The following RDX variants were observed in gnomAD, a reference collection of about 807,000 sequenced individuals.
RDX encodes the protein radixin, also known as deafness, autosomal recessive 24.
A neutral mutation model predicts 83.7 loss-of-function variants in RDX; 32 were observed. The observed-to-expected ratio is 0.38, with a 90% confidence interval of 0.29 to 0.51. The LOEUF is 0.51. Ranked by LOEUF, RDX falls within the 20% of genes least tolerant of loss-of-function variation. The pLI is 0.87. For synonymous variants in RDX, 229 were observed against 222.7 expected (o/e 1.03, Z -0.25); for missense variants, 600 against 689.9 (o/e 0.87, Z 1.46).
chr11:110,206,820 G>A (rs1473128213), intron 14 of RDX, among the ~76,000 whole-genome samples: 2 of 152,226 alleles, frequency 1.3e-5, no homozygotes, highest in East Asian at 1.9e-4. Context: ...AAACTATGTA[G>A]AAGTCAATAG....
intron 3 of RDX, among the ~76,000 whole-genome samples, chr11:110,266,123 G>A (rs1860032974): frequency 6.6e-6 from 1 of 150,562 alleles, no homozygotes; most frequent in Non-Finnish European, 1.5e-5. Flanking sequence ...AGGAGATCAA[G>A]ACCATCCTGA....
chr11:110,243,309 T>A (rs1303081378), intron 10 of RDX, among the ~76,000 whole-genome samples: 1 of 152,146 alleles, frequency 6.6e-6, no homozygotes, highest in African/African-American at 2.4e-5. Flanking sequence ...ACCTGTATAT[T>A]CACTATATAC....
At chr11:110,211,007 T>C (rs1488130723) in intron 14 of RDX, among the ~76,000 whole-genome samples, 2 of 151,738 alleles carry the variant, frequency 1.3e-5, no homozygotes, top group Non-Finnish European at 2.9e-5. Flanking sequence ...ACTTTAAATG[T>C]AAATGGACTA....
intron 14 of RDX, among the ~76,000 whole-genome samples, chr11:110,219,495 C>G (rs879481098): frequency 3.3e-5 from 5 of 152,136 alleles, no homozygotes; most frequent in African/African-American, 4.8e-5. Flanking sequence ...ATCAAGAAAA[C>G]AGAATGGAAG....
At chr11:110,256,424 C>T (rs1424803613) in intron 7 of RDX, among the ~76,000 whole-genome samples, 1 of 152,144 alleles carries the variant, frequency 6.6e-6, no homozygotes, top group Non-Finnish European at 1.5e-5. Context: ...TTTTAGAGAA[C>T]ACTATGCTAC....
In RDX at chr11:110,184,873, T is replaced by C. The variant is rs542844125; in HGVS notation, c.*32-9639A>G. ...TATAAAGTGCAAGCCAGATAAAACA[T>C]ATCTACCTGTTAGAGTTTGAGACGG... On this transcript the variant is annotated intron_variant, in intron 15 of 15. Transcript: ENST00000528498. 2.1e-4 allele frequency among the ~76,000 whole-genome samples: 32 copies of C among 152,266 alleles called. No individual in the cohort carries two copies. In the East Asian group the frequency reaches 5.6e-3, roughly 27 times the overall value.
intron 3 of RDX, among the ~76,000 whole-genome samples, chr11:110,266,045 C>T (rs533977341): frequency 6.6e-6 from 1 of 152,236 alleles, no homozygotes; most frequent in Admixed American, 6.5e-5. Flanking sequence ...ACTAAGTAGG[C>T]TGTGCGCAGT....
chr11:110,253,537 T>C (rs543146123), intron 9 of RDX, among the ~76,000 whole-genome samples: 104 of 152,332 alleles, frequency 6.8e-4, no homozygotes, highest in African/African-American at 2.4e-3. Context: ...AGTACTGATG[T>C]TACCCTACTT....
intron 14 of RDX, among the ~76,000 whole-genome samples, chr11:110,205,710 A>T (rs2358237): frequency 6.6e-6 from 1 of 151,964 alleles, no homozygotes; most frequent in East Asian, 1.9e-4. Context: ...TGTCATCTTA[A>T]ACCTATCAAA....
At chr11:110,198,766 G>C (rs1043290308) in intron 15 of RDX, among the ~76,000 whole-genome samples, 1 of 151,450 alleles carries the variant, frequency 6.6e-6, no homozygotes, top group Admixed American at 6.6e-5. Context: ...GGGGGCCACT[G>C]TTCTACTCAA....
chr11:110,258,269 C>G lies in RDX; in HGVS notation c.468-80G>C, dbSNP rs10789756. On this transcript the variant is annotated intron_variant, in intron 5 of 13. Coordinates refer to ENST00000645495, the MANE Select transcript of RDX (RefSeq NM_002906.4). Reference sequence around the variant, plus strand: ...ACACTTTAAAAGTAAAGAATCCTTTCAGTAACTTGACTGTGGTAGTTGTCA... The same window carrying G: ...ACACTTTAAAAGTAAAGAATCCTTTGAGTAACTTGACTGTGGTAGTTGTCA... 0.29 allele frequency: 267,806 copies of G among 915,334 alleles called. 40,837 individuals are homozygous for G. The highest frequency in any genetic ancestry group is 0.5 in the East Asian group (19,453 of 38,874). The allele number at this position is 915,334 out of a possible 1,614,324, so 56.7% of individuals were successfully genotyped here. A position where few individuals can be genotyped will look rare whatever the true frequency, so the allele number is the denominator to read the frequency against.
chr11:110,215,362 CAAAAAATAAATA>C (rs1555033441), intron 14 of RDX, among the ~76,000 whole-genome samples: 5 of 125,842 alleles, frequency 4.0e-5, no homozygotes, highest in East Asian at 2.2e-4. Flanking sequence ...GACTCCATCT[CAAAAAATAAATA>C]AATAAATAAA....
At chr11:110,241,215 G>T (rs1306118250) in intron 10 of RDX, among the ~76,000 whole-genome samples, 1 of 152,080 alleles carries the variant, frequency 6.6e-6, no homozygotes, top group South Asian at 2.1e-4. Flanking sequence ...TTACCATAGC[G>T]ATATTCTACG....
chr11:110,263,167 C>T (rs1179034530), intron 5 of RDX, among the ~76,000 whole-genome samples: 1 of 151,700 alleles, frequency 6.6e-6, no homozygotes, highest in South Asian at 2.1e-4. Flanking sequence ...CCCAGCTACT[C>T]GGGAGGCTGA....
At chr11:110,294,178 G>A (rs370015867) in intron 1 of RDX, among the ~76,000 whole-genome samples, 7 of 152,262 alleles carry the variant, frequency 4.6e-5, no homozygotes, top group African/African-American at 1.4e-4. Context: ...CAGAACGCCG[G>A]AGGTCCAGGA....
intron 1 of RDX, among the ~76,000 whole-genome samples, chr11:110,290,627 T>C (rs765939278): frequency 5.9e-5 from 9 of 151,942 alleles, no homozygotes; most frequent in Non-Finnish European, 1.2e-4. Context: ...ATGCAAAGAG[T>C]ATGTGGCATA....
chr11:110,239,513 T>C (rs1459739533), intron 10 of RDX, among the ~76,000 whole-genome samples: 1 of 152,120 alleles, frequency 6.6e-6, no homozygotes, highest in Non-Finnish European at 1.5e-5. Context: ...CGTTTACAAA[T>C]GGGCAAAACA....
intron 1 of RDX, among the ~76,000 whole-genome samples, chr11:110,283,822 A>G (rs939118293): frequency 2.2e-4 from 34 of 152,030 alleles, no homozygotes; most frequent in African/African-American, 8.0e-4. Flanking sequence ...AGATAAATAT[A>G]TTTTATTTTA....
At chr11:110,280,966 A>C (rs941269151) in intron 1 of RDX, among the ~76,000 whole-genome samples, 3 of 152,170 alleles carry the variant, frequency 2.0e-5, no homozygotes, top group Non-Finnish European at 2.9e-5. Flanking sequence ...GGAGTTTGAG[A>C]CCAGCCTGGC....
Sources: allele counts gnomAD v4.1 joint callset (sites outside exome capture counted in the v4.1 genomes callset), GRCh38; gene constraint gnomAD v4.1.1; transcripts MANE v1.5; gene names NCBI Gene and HGNC (gene_info 2026-07-23, HGNC 2026-07-21).